PPARGC1A: variants seen among roughly 807,000 people sequenced by gnomAD.
PPARGC1A encodes peroxisome proliferator-activated receptor gamma coactivator 1-alpha.
A neutral mutation model predicts 88.7 loss-of-function variants in PPARGC1A; 25 were observed. That is an observed-to-expected ratio of 0.28 (90% confidence interval 0.21 to 0.39). PPARGC1A has a LOEUF of 0.39. Ranked by LOEUF, PPARGC1A falls within the 10% of genes least tolerant of loss-of-function variation. The pLI is 1.00. For missense variants in PPARGC1A, 880 were observed against 968.7 expected, an observed-to-expected ratio of 0.91 and a Z score of 1.22; for synonymous variants, 363 against 355.6, an observed-to-expected ratio of 1.02 and a Z score of -0.24.
At chr4:23,817,751 C>T (rs886174109) in intron 7 of PPARGC1A, among the ~76,000 whole-genome samples, 1 of 152,110 alleles carries the variant, frequency 6.6e-6, no homozygotes. Context: ...CATCTCTAAC[C>T]GGAGAATATC....
the PPARGC1A span, among the ~76,000 whole-genome samples, chr4:24,195,639 A>G: frequency 2.4e-3 from 359 of 152,358 alleles, 5 homozygotes; most frequent in African/African-American, 8.3e-3. Flanking sequence ...AAGACCATAA[A>G]TTCAATACTT....
At chr4:23,890,804 AATT>A (rs1228306051), upstream of PPARGC1A, among the ~76,000 whole-genome samples, 2 of 152,002 alleles carry the variant, frequency 1.3e-5, no homozygotes, top group African/African-American at 2.4e-5. Flanking sequence ...GCTTCCTTCT[AATT>A]ATTTCCATTT....
chr4:24,446,960 C>T, the PPARGC1A span, among the ~76,000 whole-genome samples: 137 of 152,216 alleles, frequency 9.0e-4, no homozygotes, highest in Non-Finnish European at 1.7e-3. Context: ...AGTTAAAACC[C>T]ACCCACTGAA....
the PPARGC1A span, among the ~76,000 whole-genome samples, chr4:24,285,275 C>G: frequency 6.6e-6 from 1 of 152,172 alleles, no homozygotes; most frequent in African/African-American, 2.4e-5. Context: ...CCTCCTCTTT[C>G]AAACTACAAA....
chr4:24,286,501 T>C, the PPARGC1A span, among the ~76,000 whole-genome samples: 7 of 152,172 alleles, frequency 4.6e-5, no homozygotes, highest in Admixed American at 4.6e-4. Flanking sequence ...AACAGATGCC[T>C]AGGAAGAAAC....
chr4:23,919,504 G>C, the PPARGC1A span, among the ~76,000 whole-genome samples: 102,816 of 150,234 alleles, frequency 0.68, 36,463 homozygotes, highest in African/African-American at 0.87. Flanking sequence ...GAGGACTTTG[G>C]AGTTTGAAAT....
the PPARGC1A span, among the ~76,000 whole-genome samples, chr4:24,039,197 G>C: frequency 5.9e-5 from 9 of 152,082 alleles, no homozygotes; most frequent in South Asian, 1.9e-3. Context: ...TATCTTAACG[G>C]GATAAAAGTC....
chr4:24,155,732 T>C, the PPARGC1A span, among the ~76,000 whole-genome samples: 1 of 152,110 alleles, frequency 6.6e-6, no homozygotes, highest in South Asian at 2.1e-4. Context: ...CAGTGGAAAC[T>C]AGAGTGAACA....
At chr4:24,153,602 G>A in the PPARGC1A span, among the ~76,000 whole-genome samples, 158 of 152,228 alleles carry the variant, frequency 1.0e-3, 1 homozygote, top group African/African-American at 2.1e-3. Context: ...TTTTTCTGCC[G>A]TTTATTAACA....
At chr4:23,826,522 G>C (rs1723964273) in intron 5 of PPARGC1A, among the ~76,000 whole-genome samples, 1 of 152,154 alleles carries the variant, frequency 6.6e-6, no homozygotes, top group Admixed American at 6.5e-5. Context: ...GTGATGTTCA[G>C]TGAGAAAAAA....
At chr4:23,984,623 G>A in the PPARGC1A span, among the ~76,000 whole-genome samples, 1 of 152,066 alleles carries the variant, frequency 6.6e-6, no homozygotes, top group Non-Finnish European at 1.5e-5. Context: ...ATAAGGTAAA[G>A]CCAGGTGTAT....
the PPARGC1A span, among the ~76,000 whole-genome samples, chr4:24,133,784 T>C: frequency 6.6e-6 from 1 of 152,190 alleles, no homozygotes; most frequent in African/African-American, 2.4e-5. Context: ...GCCTTCTCTG[T>C]AGGGTGGCTT....
At chr4:24,338,021 C>T in the PPARGC1A span, among the ~76,000 whole-genome samples, 2 of 152,170 alleles carry the variant, frequency 1.3e-5, no homozygotes, top group East Asian at 3.9e-4. Flanking sequence ...TTCTCTTGAG[C>T]ACGGTGACCC....
At chr4:24,124,137 C>T in the PPARGC1A span, among the ~76,000 whole-genome samples, 3 of 152,052 alleles carry the variant, frequency 2.0e-5, no homozygotes, top group African/African-American at 7.2e-5. Context: ...CAAACGATAG[C>T]CGGATACACT....
the PPARGC1A span, among the ~76,000 whole-genome samples, chr4:24,072,196 TTAAA>T: frequency 6.7e-6 from 1 of 148,666 alleles, no homozygotes; most frequent in Admixed American, 6.7e-5. Context: ...ATATATTAAA[TTAAA>T]TAACCATTTT....
chr4:24,096,377 C>A, the PPARGC1A span, among the ~76,000 whole-genome samples: 1 of 152,160 alleles, frequency 6.6e-6, no homozygotes, highest in African/African-American at 2.4e-5. Flanking sequence ...GAAATAGATT[C>A]TCTCTCAGAT....
At chr4:24,392,503 A>G in the PPARGC1A span, among the ~76,000 whole-genome samples, 1 of 152,312 alleles carries the variant, frequency 6.6e-6, no homozygotes, top group African/African-American at 2.4e-5. Flanking sequence ...ATGCTTTGAA[A>G]GTCTCATCAG....
the PPARGC1A span, among the ~76,000 whole-genome samples, chr4:24,282,166 G>T: frequency 1.3e-5 from 2 of 152,200 alleles, no homozygotes; most frequent in Non-Finnish European, 2.9e-5. Context: ...ACTCAGAGTG[G>T]TTAAGCAACT....
chr4:23,859,468 G>A (rs1730812155), intron 2 of PPARGC1A, among the ~76,000 whole-genome samples: 1 of 152,120 alleles, frequency 6.6e-6, no homozygotes, highest in Non-Finnish European at 1.5e-5. Context: ...CTGCAAAGAA[G>A]AACATTAACA....
Sources: allele counts gnomAD v4.1 joint callset (sites outside exome capture counted in the v4.1 genomes callset), GRCh38; gene constraint gnomAD v4.1.1; transcripts MANE v1.5; gene names NCBI Gene and HGNC (gene_info 2026-07-23, HGNC 2026-07-21).